The following CCBE1 variants were observed in gnomAD, a reference collection of about 807,000 sequenced individuals.
The protein encoded by CCBE1 is collagen and calcium-binding EGF domain-containing protein 1.
CCBE1 carries 37 observed loss-of-function variants against 50.0 expected under a neutral mutation model. That is an observed-to-expected ratio of 0.74 (90% CI 0.57 to 0.97). The LOEUF is 0.97. Among genes scored for constraint, CCBE1 ranks in the 50% least tolerant of loss-of-function variants. The pLI is 0.00. For synonymous variants in CCBE1, 234 were observed against 203.7 expected, an observed-to-expected ratio of 1.15 and a Z score of -1.27; for missense variants, 538 against 523.8, an observed-to-expected ratio of 1.03 and a Z score of -0.26.
chr18:59,508,831 C>A (rs2144289100), intron 2 of CCBE1, among the ~76,000 whole-genome samples: 1 of 150,858 alleles, frequency 6.6e-6, no homozygotes, highest in Middle Eastern at 3.4e-3. Context: ...ATCCTCTCAC[C>A]TCAGCCTCCT....
rs564719964 is a variant in CCBE1, at chr18:59,673,405, C to A, written c.212+23224G>T. On this transcript the variant is annotated intron_variant, in intron 2 of 10. Coordinates refer to ENST00000439986, the MANE Select transcript of CCBE1 (RefSeq NM_133459.4). ...TGTGGAGGTTGTAGTGAGCCAAGATCCCACCACTGCACTCCAGCCTGGGTG... is the reference window on the plus strand; with the variant it reads ...TGTGGAGGTTGTAGTGAGCCAAGATACCACCACTGCACTCCAGCCTGGGTG... 7.9e-5 allele frequency among the ~76,000 whole-genome samples: 12 copies of A among 152,272 alleles called. No individual in the cohort carries two copies. The South Asian group carries it at 2.5e-3, about 32-fold the overall frequency.
At chr18:59,691,455 G>C (rs1382821857) in intron 2 of CCBE1, among the ~76,000 whole-genome samples, 1 of 152,214 alleles carries the variant, frequency 6.6e-6, no homozygotes, top group East Asian at 1.9e-4. Context: ...GCCCAGGCTG[G>C]AGTGCAGTGG....
In CCBE1 at chr18:59,697,246, A is replaced by G; in HGVS notation, c.97T>C (p.Trp33Arg). 6.5e-7 allele frequency: 1 copy of G among 1,549,220 alleles called. No individual in the cohort carries two copies. The highest frequency in any genetic ancestry group is 8.7e-7 in the Non-Finnish European group (1 of 1,146,716). The change falls in exon 1 of 11, where the codon TGG becomes CGG. Residue 33 changes from tryptophan to arginine, a missense_variant. Coordinates refer to ENST00000439986, the MANE Select transcript of CCBE1 (RefSeq NM_133459.4). Reference sequence around the variant, plus strand: ...TCCTCCGGCTCCTCTCTGTAGGTCCACGTGTGTCCCAACGCCAGGAGCAGC... The same window carrying G: ...TCCTCCGGCTCCTCTCTGTAGGTCCGCGTGTGTCCCAACGCCAGGAGCAGC... Reference protein sequence around the residue: ...LLLLLALGHTWTYREEPEDGD... With the variant: ...LLLLLALGHTRTYREEPEDGD...
chr18:59,650,832 CT>C lies in CCBE1; in HGVS notation c.212+45796del, dbSNP rs1362787692. 2.6e-5 allele frequency among the ~76,000 whole-genome samples: 4 copies of C among 151,390 alleles called. No individual in the cohort carries two copies. The East Asian group carries it at 7.9e-4, about 30-fold the overall frequency. On this transcript the variant is annotated intron_variant, in intron 2 of 10. Transcript: ENST00000439986. ...AAGGGGCTCTGAAGTTGGAAATAGGCTTAGTCCTCGGTGGCCAAGCAGAAGC... is the reference window on the plus strand; with the variant it reads ...AAGGGGCTCTGAAGTTGGAAATAGGCTAGTCCTCGGTGGCCAAGCAGAAGC...
chr18:59,650,205 C>A (rs1341552359), intron 2 of CCBE1, among the ~76,000 whole-genome samples: 1 of 151,922 alleles, frequency 6.6e-6, no homozygotes, highest in Non-Finnish European at 1.5e-5. Context: ...GGAACTGTTT[C>A]TTTTAAAAAT....
At chr18:59,677,357 A>G (rs546262912) in intron 2 of CCBE1, among the ~76,000 whole-genome samples, 1 of 152,350 alleles carries the variant, frequency 6.6e-6, no homozygotes, top group African/African-American at 2.4e-5. Context: ...CTAGAGCTGC[A>G]GACTGTGCTG....
chr18:59,592,280 A>G (rs541651456), intron 2 of CCBE1, among the ~76,000 whole-genome samples: 1 of 152,366 alleles, frequency 6.6e-6, no homozygotes, highest in Non-Finnish European at 1.5e-5. Context: ...TGTATAAGGT[A>G]TATATTAAAC....
intron 2 of CCBE1, among the ~76,000 whole-genome samples, chr18:59,484,250 G>A (rs1912708691): frequency 6.6e-6 from 1 of 152,148 alleles, no homozygotes; most frequent in African/African-American, 2.4e-5. Context: ...GAAGAAAAGT[G>A]TACTAGATGA....
At chr18:59,475,526 A>G (rs1353058951) in intron 3 of CCBE1, among the ~76,000 whole-genome samples, 1 of 151,922 alleles carries the variant, frequency 6.6e-6, no homozygotes, top group Non-Finnish European at 1.5e-5. Flanking sequence ...ACTTTTGTTT[A>G]TTCTGTTTTT....
chr18:59,457,171 T>C (rs1911234017), intron 5 of CCBE1, among the ~76,000 whole-genome samples: 1 of 152,230 alleles, frequency 6.6e-6, no homozygotes, highest in Non-Finnish European at 1.5e-5. Context: ...AGGGCCATCT[T>C]GTTAATGCCT....
intron 2 of CCBE1, among the ~76,000 whole-genome samples, chr18:59,515,922 G>A (rs1914349094): frequency 6.6e-6 from 1 of 152,184 alleles, no homozygotes; most frequent in Non-Finnish European, 1.5e-5. Flanking sequence ...CTGAAGAACT[G>A]TGCTTGCCCT....
rs574526401 is a variant in CCBE1 at position 59,634,332 on chromosome 18, C to A, written c.212+62297G>T. The stretch of plus-strand genomic sequence containing the variant: ...CTCCCCCACTGTGAATCTATCATCA[C>A]AGATCTGTGTCCACACAGCTTCAGG... On this transcript the variant is annotated intron_variant, in intron 2 of 10. Coordinates refer to ENST00000439986, the MANE Select transcript of CCBE1 (RefSeq NM_133459.4). 1.4e-3 allele frequency among the ~76,000 whole-genome samples: 206 copies of A among 152,334 alleles called. 1 individual carries two copies. Among genetic ancestry groups the A allele is most frequent in the African/African-American group, 4.8e-3 (198 of 41,570 alleles).
chr18:59,470,839 G>A (rs12608168), intron 3 of CCBE1, among the ~76,000 whole-genome samples: 9,561 of 152,204 alleles, frequency 0.063, 824 homozygotes, highest in East Asian at 0.34. Flanking sequence ...GAAGGTGAAC[G>A]GGTGGGCTGT....
At chr18:59,597,538 G>T (rs1213315384) in intron 2 of CCBE1, among the ~76,000 whole-genome samples, 1 of 149,346 alleles carries the variant, frequency 6.7e-6, no homozygotes, top group Non-Finnish European at 1.5e-5. Flanking sequence ...TTGAGGGTGG[G>T]AGGAGAAAAT....
In CCBE1 at chr18:59,658,330, A is replaced by T. The variant is rs1484286186; in HGVS notation, c.212+38299T>A. 4.8e-3 allele frequency among the ~76,000 whole-genome samples: 94 copies of T among 19,642 alleles called. 13 individuals carry two copies. Among genetic ancestry groups the T allele is most frequent in the South Asian group, 8.3e-3 (4 of 480 alleles). 12.9% of individuals were successfully genotyped at this position (19,642 alleles called of 152,430 possible). A position where few individuals can be genotyped will look rare whatever the true frequency, so the allele number is the denominator to read the frequency against. ...AGCAAGACCCTGTCTCTAAAAAAAAAAAAAAAAAAAAAAAAAAAAAAAAAA... is the reference window on the plus strand; with the variant it reads ...AGCAAGACCCTGTCTCTAAAAAAAATAAAAAAAAAAAAAAAAAAAAAAAAA... On this transcript the variant is annotated intron_variant, in intron 2 of 10. Transcript: ENST00000439986.
chr18:59,515,610 AAAT>A (rs1434641441), intron 2 of CCBE1, among the ~76,000 whole-genome samples: 2 of 152,214 alleles, frequency 1.3e-5, no homozygotes, highest in African/African-American at 4.8e-5. Flanking sequence ...AAAATTAATT[AAAT>A]AGTAAGAAAA....
At chr18:59,579,468 C>T (rs2053051905) in intron 2 of CCBE1, among the ~76,000 whole-genome samples, 1 of 152,056 alleles carries the variant, frequency 6.6e-6, no homozygotes, top group African/African-American at 2.4e-5. Flanking sequence ...GGTATGTCAC[C>T]TAAGCATTGG....
In CCBE1 at chr18:59,593,055, T is replaced by C. The variant is rs116051389; in HGVS notation, c.212+103574A>G. Reference sequence around the variant, plus strand: ...AAGGAAGTGTTAGGATAGTGGTTAATTTGGGAGATATGGAAGGGTTTGTGC... The same window carrying C: ...AAGGAAGTGTTAGGATAGTGGTTAACTTGGGAGATATGGAAGGGTTTGTGC... On this transcript the variant is annotated intron_variant, in intron 2 of 10. Coordinates refer to ENST00000439986, the MANE Select transcript of CCBE1 (RefSeq NM_133459.4). 8.9e-3 allele frequency among the ~76,000 whole-genome samples: 1,352 copies of C among 152,272 alleles called. 18 individuals are homozygous for C. The highest frequency in any genetic ancestry group is 0.03 in the African/African-American group (1,260 of 41,554).
At chr18:59,600,095 T>C (rs1415705297) in intron 2 of CCBE1, among the ~76,000 whole-genome samples, 2 of 152,150 alleles carry the variant, frequency 1.3e-5, no homozygotes, top group Admixed American at 1.3e-4. Flanking sequence ...GATATTTTTG[T>C]TCCTTTAAAT....
Sources: allele counts gnomAD v4.1 joint callset (sites outside exome capture counted in the v4.1 genomes callset), GRCh38; gene constraint gnomAD v4.1.1; transcripts MANE v1.5; gene names NCBI Gene and HGNC (gene_info 2026-07-23, HGNC 2026-07-21).